The following CCNT2 variants were observed in gnomAD, a reference collection of about 807,000 sequenced individuals.
CCNT2 encodes cyclin T2.
Under a neutral mutation model 70.0 loss-of-function variants are expected in CCNT2, and 18 were observed. That is an observed-to-expected ratio of 0.26 (90% CI 0.18 to 0.38). The LOEUF (loss-of-function observed/expected upper bound fraction) is 0.38. Ranked by LOEUF, CCNT2 falls within the 10% of genes least tolerant of loss-of-function variation. CCNT2 has a pLI of 1.00. For synonymous variants in CCNT2, 334 were observed against 313.3 expected, an observed-to-expected ratio of 1.07 and a Z score of -0.70; for missense variants, 734 against 890.2, an observed-to-expected ratio of 0.82 and a Z score of 2.23.
At chr2:134,952,063 A>T (rs1209083787) in intron 7 of CCNT2, among the ~76,000 whole-genome samples, 1 of 152,154 alleles carries the variant, frequency 6.6e-6, no homozygotes, top group Non-Finnish European at 1.5e-5. Flanking sequence ...CAAGAATACC[A>T]TAGAAGTAAA....
intron 2 of CCNT2, among the ~76,000 whole-genome samples, chr2:134,924,126 CTT>C (rs1414709047): frequency 6.6e-6 from 1 of 152,178 alleles, no homozygotes; most frequent in Non-Finnish European, 1.5e-5. Flanking sequence ...AGTTGCTACT[CTT>C]TCATAAAGCA....
At chr2:134,925,805 C>G (rs965691035) in intron 2 of CCNT2, among the ~76,000 whole-genome samples, 2 of 149,204 alleles carry the variant, frequency 1.3e-5, no homozygotes. Context: ...AGTAGAATTG[C>G]TGGATCATAT....
intron 7 of CCNT2, among the ~76,000 whole-genome samples, chr2:134,950,810 G>C (rs1210419641): frequency 6.6e-6 from 1 of 152,138 alleles, no homozygotes; most frequent in Non-Finnish European, 1.5e-5. Context: ...TGTGATTTTT[G>C]TGCATATAGC....
At chr2:134,939,242 C>A (rs1681384829) in intron 4 of CCNT2, among the ~76,000 whole-genome samples, 180 bp downstream of exon 4, 1 of 152,076 alleles carries the variant, frequency 6.6e-6, no homozygotes, top group Non-Finnish European at 1.5e-5. Context: ...TTTCATTTGG[C>A]ATAATTAAAT....
chr2:134,928,100 A>T (rs531392748), intron 2 of CCNT2, among the ~76,000 whole-genome samples: 5 of 152,128 alleles, frequency 3.3e-5, no homozygotes, highest in African/African-American at 1.2e-4. Context: ...CCTCTCAAGT[A>T]GCTGGGATTA....
intron 1 of CCNT2, among the ~76,000 whole-genome samples, chr2:134,919,317 A>G (rs1679677253): frequency 6.6e-6 from 1 of 152,100 alleles, no homozygotes; most frequent in African/African-American, 2.4e-5. Context: ...ATTATTGCAG[A>G]AAAGGGGCGG....
intron 5 of CCNT2, 42 bp from the exon 6 acceptor site, chr2:134,946,059 A>G (rs943573903): frequency 1.9e-6 from 3 of 1,610,400 alleles, no homozygotes; most frequent in Non-Finnish European, 2.5e-6. Flanking sequence ...GTAGCACGTT[A>G]AGGCTGATAG....
intron 2 of CCNT2, among the ~76,000 whole-genome samples, chr2:134,935,986 G>A (rs1681117098): frequency 6.6e-6 from 1 of 151,620 alleles, no homozygotes; most frequent in Non-Finnish European, 1.5e-5. Context: ...CCCTCTAGGT[G>A]GTTTTTCTGT....
At chr2:134,935,203 A>C (rs1681057372) in intron 2 of CCNT2, among the ~76,000 whole-genome samples, 1 of 152,218 alleles carries the variant, frequency 6.6e-6, no homozygotes, top group African/African-American at 2.4e-5. Context: ...TCCTTGTTGT[A>C]ATTTTAAAAG....
chr2:134,928,274 C>CTTTTTTTTTTTTTTTTTT lies in CCNT2; in HGVS notation c.240+8385_240+8402dup, dbSNP rs551173090. Reference sequence around the variant, plus strand: ...CCATGCCCGGCCTCACATTGTATTTCTTTTTTTTTTTTTTTTTTTCTGAGA... The same window carrying CTTTTTTTTTTTTTTTTTT: ...CCATGCCCGGCCTCACATTGTATTTCTTTTTTTTTTTTTTTTTTTTTTTTTTTTTTTTTTTTTCTGAGA... On this transcript the variant is annotated intron_variant, in intron 2 of 8. Transcript: ENST00000264157. 1.7e-4 allele frequency among the ~76,000 whole-genome samples: 16 copies of CTTTTTTTTTTTTTTTTTT among 96,390 alleles called. 2 individuals are homozygous for CTTTTTTTTTTTTTTTTTT. The highest frequency in any genetic ancestry group is 1.5e-3 in the South Asian group (4 of 2,716). 63.2% of individuals were successfully genotyped at this position (96,390 alleles called of 152,430 possible).
At chr2:134,948,018 G>A (rs1363712916) in intron 7 of CCNT2, 119 bp downstream of exon 7, 2 of 529,268 alleles carry the variant, frequency 3.8e-6, no homozygotes, top group Admixed American at 3.8e-5. Flanking sequence ...CAATTCATCA[G>A]CCTAAAGAAA....
chr2:134,954,013 AAAG>A lies in CCNT2; in HGVS notation c.1564_1566del (p.Glu522del), dbSNP rs746373007. On this transcript the variant is annotated inframe_deletion, in exon 9 of 9. Transcript: ENST00000264157. Reference sequence around the variant, plus strand: ...ACCACCCACTGATAAAAGCGCCAGTAAAGAAGAACTGAAAATGAAAATAAAAGT... The same window carrying A: ...ACCACCCACTGATAAAAGCGCCAGTAAAGAACTGAAAATGAAAATAAAAGT... The A allele has an allele frequency of 5.0e-6, 8 of 1,614,220 alleles. No individual in the cohort carries two copies. The highest frequency in any genetic ancestry group is 3.3e-5 in the South Asian group (3 of 91,090).
intron 3 of CCNT2, 87 bp from the exon 4 acceptor site, chr2:134,938,915 C>A: frequency 1.3e-6 from 1 of 796,826 alleles, no homozygotes; most frequent in Non-Finnish European, 2.1e-6. Context: ...TTGTAATCAA[C>A]CTGTAATTCT....
At chr2:134,945,907 G>A in intron 5 of CCNT2, 194 bp from the exon 6 acceptor site, 3 of 1,525,598 alleles carry the variant, frequency 2.0e-6, no homozygotes, top group Non-Finnish European at 2.6e-6. Flanking sequence ...GGGATAGCAA[G>A]AAACATTTGA....
At chr2:134,945,637 G>C in intron 5 of CCNT2, 1 of 1,211,110 alleles carries the variant, frequency 8.3e-7, no homozygotes, top group Non-Finnish European at 1.0e-6. Context: ...TGTGTTTTGT[G>C]GGGTGGGGGT....
At chr2:134,936,339 A>G (rs1250142291) in intron 2 of CCNT2, among the ~76,000 whole-genome samples, 1 of 152,042 alleles carries the variant, frequency 6.6e-6, no homozygotes, top group Non-Finnish European at 1.5e-5. Flanking sequence ...AGATTTATAG[A>G]TTAGTTCTAT....
intron 2 of CCNT2, among the ~76,000 whole-genome samples, chr2:134,927,197 T>C (rs945202178): frequency 6.6e-6 from 1 of 152,382 alleles, no homozygotes; most frequent in African/African-American, 2.4e-5. Context: ...AAGCTTTAAA[T>C]GTTATTTTGA....
At chr2:134,945,556 C>T (rs561041466) in intron 5 of CCNT2, 18 of 985,104 alleles carry the variant, frequency 1.8e-5, no homozygotes, top group South Asian at 4.7e-5. Flanking sequence ...TATCTGTACC[C>T]GTATGCTGTT....
At chr2:134,927,098 A>AT (rs1374442662) in intron 2 of CCNT2, among the ~76,000 whole-genome samples, 3 of 152,218 alleles carry the variant, frequency 2.0e-5, no homozygotes, top group Non-Finnish European at 4.4e-5. Context: ...GGGAGAGTTC[A>AT]TTTATTAATA....
Sources: allele counts gnomAD v4.1 joint callset (sites outside exome capture counted in the v4.1 genomes callset), GRCh38; gene constraint gnomAD v4.1.1; transcripts MANE v1.5; gene names NCBI Gene and HGNC (gene_info 2026-07-23, HGNC 2026-07-21).